Variants in GABBR2 observed in about 807,000 individuals in gnomAD.
The protein encoded by GABBR2 is gamma-aminobutyric acid type B receptor subunit 2.
Under a neutral mutation model 105.6 loss-of-function variants are expected in GABBR2, and 23 were observed. The observed-to-expected ratio is 0.22, with a 90% confidence interval of 0.16 to 0.31. GABBR2 has a LOEUF of 0.31. Ranked by LOEUF, GABBR2 falls within the 10% of genes least tolerant of loss-of-function variation. The pLI is 1.00. For missense variants in GABBR2, 734 were observed against 1,245.5 expected, an observed-to-expected ratio of 0.59 and a Z score of 6.18; for synonymous variants, 478 against 499.7, an observed-to-expected ratio of 0.96 and a Z score of 0.58.
intron 7 of GABBR2, among the ~76,000 whole-genome samples, chr9:98,427,120 C>T (rs915707926): frequency 5.3e-5 from 8 of 152,176 alleles, no homozygotes; most frequent in South Asian, 2.1e-4. Context: ...GTTCTTCTAG[C>T]GGCAGAAACC....
intron 13 of GABBR2, among the ~76,000 whole-genome samples, chr9:98,355,794 G>C (rs1477374590): frequency 1.3e-5 from 2 of 152,222 alleles, no homozygotes; most frequent in African/African-American, 4.8e-5. Context: ...AGTTGGAGAA[G>C]TGACATTCCC....
intron 17 of GABBR2, among the ~76,000 whole-genome samples, chr9:98,297,668 T>C (rs1830403485): frequency 6.6e-6 from 1 of 151,750 alleles, no homozygotes; most frequent in South Asian, 2.1e-4. Flanking sequence ...TTTAAAATAA[T>C]ATTATAACAA....
At chr9:98,664,130 T>C (rs1334951629) in intron 1 of GABBR2, among the ~76,000 whole-genome samples, 1 of 152,158 alleles carries the variant, frequency 6.6e-6, no homozygotes, top group Non-Finnish European at 1.5e-5. Flanking sequence ...CTCTTGTCTA[T>C]AGAGTAAGAG....
chr9:98,302,628 G>A (rs545835841), intron 16 of GABBR2, among the ~76,000 whole-genome samples: 81 of 152,216 alleles, frequency 5.3e-4, no homozygotes, highest in African/African-American at 2.0e-3. Context: ...TGCAGAGCAC[G>A]GGTTCAGGCA....
chr9:98,463,615 C>G, intron 6 of GABBR2, among the ~76,000 whole-genome samples: 1 of 151,630 alleles, frequency 6.6e-6, no homozygotes, highest in Non-Finnish European at 1.5e-5. Context: ...CTCGCTCTCG[C>G]TCTCGCTCTC....
rs992743030 is a variant in GABBR2 at position 98,651,838 on chromosome 9, G to A, written c.321+56579C>T. Among the ~76,000 whole-genome samples, 5 of 152,192 alleles carry A rather than the reference G, an allele frequency of 3.3e-5. No individual in the cohort carries two copies. The South Asian group carries it at 6.2e-4, about 19-fold the overall frequency. ...ACTTATGACATTTATTAGACAATTG[G>A]AAATTTGAACCCTGACTGGATTTTT... is the stretch of plus-strand genomic sequence containing the variant. On this transcript the variant is annotated intron_variant, in intron 1 of 18. Coordinates refer to ENST00000259455, the MANE Select transcript of GABBR2 (RefSeq NM_005458.8).
At chr9:98,405,454 C>T (rs1263060311) in intron 8 of GABBR2, among the ~76,000 whole-genome samples, 1 of 152,120 alleles carries the variant, frequency 6.6e-6, no homozygotes, top group Non-Finnish European at 1.5e-5. Flanking sequence ...CCAAACCCCA[C>T]AACAATGCAA....
intron 10 of GABBR2, among the ~76,000 whole-genome samples, chr9:98,386,440 C>G (rs901605022): frequency 2.3e-4 from 35 of 152,296 alleles, no homozygotes; most frequent in African/African-American, 7.0e-4. Context: ...GAATACCTCT[C>G]CCAGTCACCG....
At chr9:98,526,551 A>C (rs1827964386) in intron 3 of GABBR2, among the ~76,000 whole-genome samples, 1 of 152,068 alleles carries the variant, frequency 6.6e-6, no homozygotes, top group African/African-American at 2.4e-5. Flanking sequence ...TCTCCCTAGC[A>C]CTTGTTATCA....
At chr9:98,598,339 G>A (rs920174344) in intron 1 of GABBR2, among the ~76,000 whole-genome samples, 4 of 152,150 alleles carry the variant, frequency 2.6e-5, no homozygotes, top group East Asian at 1.9e-4. Context: ...TAGAAAGTAT[G>A]AGATTCATAC....
At position 98,529,432 on chromosome 9, in the gene GABBR2, G is replaced by C. The variant is rs749170869; in HGVS notation, c.630+12441C>G. On this transcript the variant is annotated intron_variant, in intron 3 of 18. Coordinates refer to ENST00000259455, the MANE Select transcript of GABBR2 (RefSeq NM_005458.8). ...CCCTGCATTGCTAAGAAGCCATTTC[G>C]ATAGCAAGAGCATGTATTTATTTAC... is the stretch of plus-strand genomic sequence containing the variant. Among the ~76,000 whole-genome samples, 3 of 152,176 alleles carry C rather than the reference G, an allele frequency of 2.0e-5. 1 individual carries two copies. Among genetic ancestry groups the C allele is most frequent in the Admixed American group, 2.0e-4 (3 of 15,272 alleles).
At chr9:98,376,981 A>T (rs1831885772) in intron 11 of GABBR2, among the ~76,000 whole-genome samples, 1 of 151,998 alleles carries the variant, frequency 6.6e-6, no homozygotes, top group Non-Finnish European at 1.5e-5. Flanking sequence ...AAGCCAACAA[A>T]CTCCAAGAAC....
chr9:98,504,948 G>A (rs1827475384), intron 3 of GABBR2, among the ~76,000 whole-genome samples: 1 of 152,188 alleles, frequency 6.6e-6, no homozygotes, highest in Non-Finnish European at 1.5e-5. Context: ...GCCTGGAGAG[G>A]TGTAGACCAA....
chr9:98,624,847 T>A (rs1387730594), intron 1 of GABBR2, among the ~76,000 whole-genome samples: 1 of 152,148 alleles, frequency 6.6e-6, no homozygotes, highest in Non-Finnish European at 1.5e-5. Context: ...TTGCATCAAT[T>A]TACTGTGGGA....
intron 16 of GABBR2, among the ~76,000 whole-genome samples, chr9:98,300,946 CAAAAG>C (rs1830459470): frequency 6.6e-6 from 1 of 152,172 alleles, no homozygotes; most frequent in African/African-American, 2.4e-5. Context: ...CATAAAAACT[CAAAAG>C]AACAGGGTAT....
At chr9:98,382,574 C>T (rs1378418348) in intron 11 of GABBR2, among the ~76,000 whole-genome samples, 1 of 152,170 alleles carries the variant, frequency 6.6e-6, no homozygotes, top group African/African-American at 2.4e-5. Context: ...CTCGGCCTCC[C>T]AAAGTGCTGG....
intron 13 of GABBR2, among the ~76,000 whole-genome samples, chr9:98,341,654 A>G (rs1831215506): frequency 1.3e-5 from 2 of 152,194 alleles, no homozygotes; most frequent in African/African-American, 4.8e-5. Flanking sequence ...GGAAGTAGAT[A>G]CAAGTTCACG....
At chr9:98,668,461 G>T (rs1354881982) in intron 1 of GABBR2, among the ~76,000 whole-genome samples, 1 of 152,220 alleles carries the variant, frequency 6.6e-6, no homozygotes, top group African/African-American at 2.4e-5. Flanking sequence ...AGGTTGGGGA[G>T]TAGAAAGCTA....
intron 3 of GABBR2, among the ~76,000 whole-genome samples, chr9:98,526,303 C>T (rs1488602007): frequency 6.6e-6 from 1 of 152,220 alleles, no homozygotes; most frequent in Non-Finnish European, 1.5e-5. Context: ...ACTTCTCCCA[C>T]ACCCACCCTG....
Sources: allele counts gnomAD v4.1 joint callset (sites outside exome capture counted in the v4.1 genomes callset), GRCh38; gene constraint gnomAD v4.1.1; transcripts MANE v1.5; gene names NCBI Gene and HGNC (gene_info 2026-07-23, HGNC 2026-07-21).